The following COL4A6 variants were observed in gnomAD, a reference collection of about 807,000 sequenced individuals.
COL4A6 encodes the protein collagen type IV alpha 6 chain.
Under a neutral mutation model 126.7 loss-of-function variants are expected in COL4A6, and 59 were observed. The observed-to-expected ratio is 0.47, with a 90% CI of 0.38 to 0.58. The LOEUF (loss-of-function observed/expected upper bound fraction) is 0.58, where lower values mean the gene tolerates loss of function less well. Ranked by LOEUF, COL4A6 falls within the 20% of genes least tolerant of loss-of-function variation. COL4A6 has a pLI of 0.00. For synonymous variants in COL4A6, 547 were observed against 496.6 expected (o/e 1.10, Z -1.35); for missense variants, 1,285 against 1,337.3 (o/e 0.96, Z 0.61).
intron 3 of COL4A6, among the ~76,000 whole-genome samples, chrX:108,244,297 T>C (rs56685807): frequency 0.084 from 9,342 of 110,974 alleles, 891 homozygotes; most frequent in African/African-American, 0.27. Flanking sequence ...ATATCTACCT[T>C]GAAAGACTTT....
chrX:108,422,859 A>G (rs1376432926), intron 2 of COL4A6, among the ~76,000 whole-genome samples: 2 of 111,414 alleles, frequency 1.8e-5, no homozygotes, highest in East Asian at 2.8e-4. Context: ...TAACATGACC[A>G]TTGTGCCTTC....
At chrX:108,327,222 A>T (rs1421959327) in intron 2 of COL4A6, among the ~76,000 whole-genome samples, 1 of 110,605 alleles carries the variant, frequency 9.0e-6, no homozygotes, top group Non-Finnish European at 1.9e-5. Flanking sequence ...TTGCACATGC[A>T]AAAAATCTAG....
intron 13 of COL4A6, among the ~76,000 whole-genome samples, chrX:108,197,772 A>AGT (rs57928875): frequency 0.5 from 43,535 of 86,712 alleles, 9,542 homozygotes; most frequent in Middle Eastern, 0.64. Flanking sequence ...TATTGGGAGG[A>AGT]GTGTGTGTGT....
At chrX:108,228,532 G>A (rs1259589681) in intron 3 of COL4A6, among the ~76,000 whole-genome samples, 1 of 112,509 alleles carries the variant, frequency 8.9e-6, no homozygotes, top group Non-Finnish European at 1.9e-5. Context: ...TGGAGATAAG[G>A]TCATTGCATT....
At position 108,212,536 on chromosome X, in the gene COL4A6, TG is replaced by T. The variant is rs747370595; in HGVS notation, c.442-797del. On this transcript the variant is annotated intron_variant, in intron 6 of 44. Transcript: ENST00000334504. ...ACCTAAGGGGAAGTCAGGATTAGTA[TG>T]TGGGGTAGGGCTAAGCTTTGTGGAC... Among the ~76,000 whole-genome samples, 115 of 111,945 alleles carry T rather than the reference TG, an allele frequency of 1.0e-3. 5 individuals are homozygous for T. In the East Asian group the frequency reaches 0.031, roughly 30 times the overall value.
chrX:108,238,929 G>A (rs758289212), intron 3 of COL4A6, among the ~76,000 whole-genome samples: 39 of 111,872 alleles, frequency 3.5e-4, no homozygotes, highest in African/African-American at 8.1e-4. Flanking sequence ...TAATTTGCAC[G>A]TCTCTGAATA....
At chrX:108,264,260 T>C (rs1485481175) in intron 3 of COL4A6, among the ~76,000 whole-genome samples, 1 of 111,691 alleles carries the variant, frequency 9.0e-6, no homozygotes, top group Non-Finnish European at 1.9e-5. Context: ...GAGTAATTTA[T>C]CTACTGTATA....
chrX:108,318,801 A>C (rs1010591367), intron 2 of COL4A6, among the ~76,000 whole-genome samples: 3 of 112,594 alleles, frequency 2.7e-5, no homozygotes, highest in Admixed American at 9.4e-5. Flanking sequence ...CATACTGCCC[A>C]AGGCAATTTA....
At chrX:108,408,196 C>T (rs1407384780) in intron 2 of COL4A6, among the ~76,000 whole-genome samples, 6 of 110,880 alleles carry the variant, frequency 5.4e-5, no homozygotes, top group South Asian at 7.7e-4. Flanking sequence ...CCTATAGTCC[C>T]GGCTACTCGG....
At chrX:108,308,027 A>G (rs1289652464) in intron 3 of COL4A6, among the ~76,000 whole-genome samples, 1 of 112,147 alleles carries the variant, frequency 8.9e-6, no homozygotes, top group African/African-American at 3.2e-5. Flanking sequence ...AGACTTTGCA[A>G]ATACATTTTT....
At chrX:108,406,560 T>C (rs2041212425) in intron 2 of COL4A6, among the ~76,000 whole-genome samples, 2 of 112,377 alleles carry the variant, frequency 1.8e-5, no homozygotes, top group South Asian at 3.7e-4. Flanking sequence ...TCTCTAACAA[T>C]GAACTACTTG....
chrX:108,303,827 A>C, intron 3 of COL4A6, among the ~76,000 whole-genome samples: 1 of 111,901 alleles, frequency 8.9e-6, no homozygotes, highest in Non-Finnish European at 1.9e-5. Flanking sequence ...AAGAAGCCAC[A>C]GCAAATGAGT....
In COL4A6 at chrX:108,235,828, T is replaced by C. The variant is rs369757285; in HGVS notation, c.145-14454A>G. On this transcript the variant is annotated intron_variant, in intron 3 of 44. Coordinates refer to ENST00000334504, the MANE Select transcript of COL4A6 (RefSeq NM_033641.4). ...AATCAGGAAACCATCCCTAAAGGTA[T>C]CTAGATGGGAAATCGAGGAGGGGGG... Among the ~76,000 whole-genome samples, 142 of 110,750 alleles carry C rather than the reference T, an allele frequency of 1.3e-3. 1 individual carries two copies. The highest frequency in any genetic ancestry group is 0.011 in the Admixed American group (115 of 10,315).
At chrX:108,421,712 A>T (rs1349666786) in intron 2 of COL4A6, among the ~76,000 whole-genome samples, 1 of 111,686 alleles carries the variant, frequency 9.0e-6, no homozygotes, top group Non-Finnish European at 1.9e-5. Context: ...ATCAAATTCT[A>T]CATACAATTT....
At chrX:108,278,952 T>C (rs2037709778) in intron 3 of COL4A6, among the ~76,000 whole-genome samples, 1 of 111,716 alleles carries the variant, frequency 9.0e-6, no homozygotes. Flanking sequence ...TGAGAGATTT[T>C]GTCACCACCA....
intron 3 of COL4A6, among the ~76,000 whole-genome samples, chrX:108,286,405 TC>T (rs1392301703): frequency 8.9e-6 from 1 of 111,975 alleles, no homozygotes; most frequent in African/African-American, 3.2e-5. Flanking sequence ...GGCTAGCTGT[TC>T]CCCTATTTCA....
chrX:108,398,778 A>G (rs2041023145), intron 2 of COL4A6, among the ~76,000 whole-genome samples: 1 of 111,755 alleles, frequency 8.9e-6, no homozygotes, highest in African/African-American at 3.2e-5. Context: ...TAGGGTGTAC[A>G]GAGAGATATA....
chrX:108,429,878 T>C lies in COL4A6; in HGVS notation c.63+8064A>G, dbSNP rs189696152. Among the ~76,000 whole-genome samples, 487 of 111,710 alleles carry C rather than the reference T, an allele frequency of 4.4e-3. 2 individuals carry two copies. The highest frequency in any genetic ancestry group is 6.8e-3 in the Non-Finnish European group (363 of 53,058). ...CAATTGTTATTGGAGTTAACATTAG[T>C]AATTTTTAAGATAGACAGGGAGAAG... On this transcript the variant is annotated intron_variant, in intron 2 of 44. Transcript: ENST00000334504.
chrX:108,374,204 TACA>T (rs1374841186), intron 2 of COL4A6, among the ~76,000 whole-genome samples: 2 of 112,448 alleles, frequency 1.8e-5, no homozygotes, highest in Non-Finnish European at 3.8e-5. Context: ...ATGGCATATT[TACA>T]ACATTTTTGC....
Sources: allele counts gnomAD v4.1 joint callset (sites outside exome capture counted in the v4.1 genomes callset), GRCh38; gene constraint gnomAD v4.1.1; transcripts MANE v1.5; gene names NCBI Gene and HGNC (gene_info 2026-07-23, HGNC 2026-07-21).